PCBP3: variants seen among roughly 807,000 people sequenced by gnomAD.
The protein encoded by PCBP3 is poly(rC)-binding protein 3.
In PCBP3, 25 loss-of-function variants were observed where a neutral mutation model predicts 52.7. The ratio of observed to expected loss-of-function variants is 0.47; its 90% CI spans 0.35 to 0.66. The LOEUF (loss-of-function observed/expected upper bound fraction) is 0.66, where lower values mean the gene tolerates loss of function less well. Among genes scored for constraint, PCBP3 ranks in the 30% least tolerant of loss-of-function variants. The probability of loss-of-function intolerance (pLI) is 0.01; values close to 1 mark genes in which losing one functional copy is unlikely to be tolerated. For missense variants in PCBP3, 391 were observed against 490.3 expected (o/e 0.80, Z 1.91); for synonymous variants, 162 against 183.0 (o/e 0.89, Z 0.93).
chr21:45,685,076 C>T (rs562947511), intron 2 of PCBP3, among the ~76,000 whole-genome samples: 29 of 152,292 alleles, frequency 1.9e-4, no homozygotes, highest in African/African-American at 6.5e-4. Context: ...ATCATCCTAA[C>T]ATTAGATGCA....
At chr21:45,891,224 C>T (rs915778414) in intron 5 of PCBP3, among the ~76,000 whole-genome samples, 2 of 152,190 alleles carry the variant, frequency 1.3e-5, no homozygotes, top group African/African-American at 2.4e-5. Context: ...GTGCTGCTTC[C>T]GCAGGATCCA....
At position 45,829,034 on chromosome 21, in the gene PCBP3, A is replaced by G. The variant is rs73380625; in HGVS notation, c.-125-20927A>G. Reference sequence around the variant, plus strand: ...GGTCGAACTTACCAGGTGAAGCTGGATTACTTCCCGGCCTCCTTATAATGG... The same window carrying G: ...GGTCGAACTTACCAGGTGAAGCTGGGTTACTTCCCGGCCTCCTTATAATGG... On this transcript the variant is annotated intron_variant, in intron 4 of 17. Transcript: ENST00000681687. The surrounding 1 kb of genome is among the most constrained non-coding windows in gnomAD (Gnocchi z 5.2). 0.024 allele frequency: 3,648 copies of G among 152,346 alleles called. 164 individuals carry two copies. Among genetic ancestry groups the G allele is most frequent in the African/African-American group, 0.082 (3,409 of 41,536 alleles). 9.4% of individuals were successfully genotyped at this position (152,346 alleles called of 1,614,324 possible). A position where few individuals can be genotyped will look rare whatever the true frequency, so the allele number is the denominator to read the frequency against.
chr21:45,863,385 T>C (rs1000513082), intron 5 of PCBP3, among the ~76,000 whole-genome samples: 7 of 152,020 alleles, frequency 4.6e-5, no homozygotes, highest in African/African-American at 1.5e-4. Flanking sequence ...GGTCCTGGGG[T>C]TTCTGCCCCC....
At chr21:45,815,941 T>C in intron 4 of PCBP3, among the ~76,000 whole-genome samples, 1 of 117,166 alleles carries the variant, frequency 8.5e-6, no homozygotes, top group African/African-American at 3.6e-5. Flanking sequence ...GAGTGAGTGG[T>C]GAGTGATGAG....
intron 1 of PCBP3, among the ~76,000 whole-genome samples, chr21:45,652,111 C>T (rs897382837): frequency 6.6e-6 from 1 of 152,104 alleles, no homozygotes; most frequent in Non-Finnish European, 1.5e-5. Flanking sequence ...CTCAGTCAAC[C>T]CAGTAGAGAC....
intron 5 of PCBP3, among the ~76,000 whole-genome samples, chr21:45,884,882 G>A (rs1333506974): frequency 1.3e-5 from 2 of 152,176 alleles, no homozygotes; most frequent in Non-Finnish European, 2.9e-5. Flanking sequence ...TGATGTAGTT[G>A]CTTTAAATAT....
intron 2 of PCBP3, among the ~76,000 whole-genome samples, chr21:45,680,241 CTA>C (rs2081754201): frequency 6.6e-6 from 1 of 152,144 alleles, no homozygotes; most frequent in Admixed American, 6.5e-5. Flanking sequence ...ACCAACTTCT[CTA>C]TATATACACA....
At chr21:45,868,641 G>A (rs528806242) in intron 5 of PCBP3, among the ~76,000 whole-genome samples, 1 of 152,154 alleles carries the variant, frequency 6.6e-6, no homozygotes, top group South Asian at 2.1e-4. Context: ...GCATTTCTGC[G>A]AGCCTGTCCC....
chr21:45,793,021 C>CT (rs1488409680), intron 4 of PCBP3, among the ~76,000 whole-genome samples: 2 of 152,190 alleles, frequency 1.3e-5, no homozygotes, highest in African/African-American at 2.4e-5. Flanking sequence ...GAACAGTATC[C>CT]AGGATGAGCA....
At chr21:45,905,450 C>G (rs2096177814) in intron 9 of PCBP3, among the ~76,000 whole-genome samples, 1 of 152,254 alleles carries the variant, frequency 6.6e-6, no homozygotes, top group Non-Finnish European at 1.5e-5. Flanking sequence ...ATCTGGCAGA[C>G]TTTCTGCACC....
At chr21:45,673,413 A>G in intron 2 of PCBP3, 1 of 152,212 alleles carries the variant, frequency 6.6e-6, no homozygotes. Context: ...AAAAAATAAG[A>G]CACTTCAGTT....
chr21:45,793,175 A>G (rs1486860233), intron 4 of PCBP3, among the ~76,000 whole-genome samples: 2 of 152,166 alleles, frequency 1.3e-5, no homozygotes, highest in African/African-American at 4.8e-5. Context: ...GGTCAGACAC[A>G]CGGCTCCTTC....
chr21:45,763,636 T>A (rs2088953782), intron 4 of PCBP3: 1 of 152,304 alleles, frequency 6.6e-6, no homozygotes. Flanking sequence ...ATCAGGATCG[T>A]CTGCCTGCGC....
intron 4 of PCBP3, among the ~76,000 whole-genome samples, chr21:45,767,274 C>T (rs2089433526): frequency 1.3e-5 from 2 of 152,134 alleles, no homozygotes; most frequent in Admixed American, 1.3e-4. Context: ...CAGATTTGCC[C>T]ATGCTGGGTA....
chr21:45,725,958 A>G (rs2085003630), intron 2 of PCBP3, among the ~76,000 whole-genome samples: 1 of 152,132 alleles, frequency 6.6e-6, no homozygotes, highest in Non-Finnish European at 1.5e-5. Context: ...TGTCACCCTC[A>G]GGGCAGTGGA....
chr21:45,864,654 C>T (rs1019886800), intron 5 of PCBP3, among the ~76,000 whole-genome samples: 13 of 152,266 alleles, frequency 8.5e-5, no homozygotes, highest in African/African-American at 2.4e-4. Context: ...ACATTTCCTG[C>T]TCCTGCTTGC....
chr21:45,829,403 G>A lies in PCBP3; in HGVS notation c.-125-20558G>A, dbSNP rs566572598. ...TGCACAGGGAGCCCGGGACCAGGCA[G>A]AGGGTGCTGGGCAGAACCCCTTCCC... On this transcript the variant is annotated intron_variant, in intron 4 of 17. Coordinates refer to ENST00000681687, the MANE Select transcript of PCBP3 (RefSeq NM_001384156.1). The surrounding 1 kb of genome is among the most constrained non-coding windows in gnomAD (Gnocchi z 5.2). The A allele has an allele frequency of 2.6e-5, 4 of 152,454 alleles. No homozygotes were observed. The East Asian group carries it at 7.8e-4, about 30-fold the overall frequency. The allele number at this position is 152,454 out of a possible 1,614,324, so 9.4% of individuals were successfully genotyped here.
intron 5 of PCBP3, among the ~76,000 whole-genome samples, chr21:45,855,311 C>T (rs1366399881): frequency 1.3e-5 from 2 of 152,116 alleles, no homozygotes; most frequent in Admixed American, 1.3e-4. Flanking sequence ...ACGCAGGCTC[C>T]GGAAGCCCAC....
intron 4 of PCBP3, among the ~76,000 whole-genome samples, chr21:45,786,511 G>A (rs1316369639): frequency 1.3e-5 from 2 of 152,202 alleles, no homozygotes; most frequent in East Asian, 1.9e-4. Flanking sequence ...GGCTGGTCTC[G>A]AACTCCTGAT....
Sources: allele counts gnomAD v4.1 joint callset (sites outside exome capture counted in the v4.1 genomes callset), GRCh38; gene constraint gnomAD v4.1.1; non-coding constraint Gnocchi (gnomAD v3.1); transcripts MANE v1.5; gene names NCBI Gene and HGNC (gene_info 2026-07-23, HGNC 2026-07-21).